The following IGSF9B variants were observed in gnomAD, a reference collection of about 807,000 sequenced individuals.
IGSF9B encodes protein turtle homolog B.
IGSF9B carries 48 observed loss-of-function variants against 143.7 expected under a neutral mutation model. The observed-to-expected ratio is 0.33, with a 90% CI of 0.26 to 0.42. IGSF9B has a LOEUF of 0.42. Among genes scored for constraint, IGSF9B ranks in the 20% least tolerant of loss-of-function variants. The probability of loss-of-function intolerance (pLI) is 1.00; values close to 1 mark genes in which losing one functional copy is unlikely to be tolerated. For synonymous variants in IGSF9B, 903 were observed against 833.1 expected (o/e 1.08, Z -1.44); for missense variants, 1,706 against 1,980.0 (o/e 0.86, Z 2.63).
In IGSF9B at chr11:133,920,919, C is replaced by T. The variant is rs1047657878; in HGVS notation, c.2806G>A (p.Gly936Arg). The T allele has an allele frequency of 2.5e-6, 4 of 1,609,542 alleles. No homozygotes were observed. Among genetic ancestry groups the T allele is most frequent in the Non-Finnish European group, 3.4e-6 (4 of 1,178,404 alleles). ...TCCAGGCCACCGGGGCCCTCCAGCC[C>T]GCGGGGCTGGAACCGAGGGCTGTAT... ...PAYSPRFQPR[G>R]LEGPGGLEGR... The change falls in exon 18 of 20, where the codon GGG (glycine) becomes AGG (arginine). Residue 936 changes from glycine to arginine, a missense_variant. Around this residue, in one of 7 missense-constraint regions of IGSF9B, gnomAD observed 880 missense variants for 762.9 expected, o/e 1.15. Transcript: ENST00000533871.
At position 133,948,058 on chromosome 11, in the gene IGSF9B, T is replaced by TGTGTGTGTGC. The variant is rs1404817500; in HGVS notation, c.65-1801_65-1800insGCACACACAC. 6.0e-5 allele frequency among the ~76,000 whole-genome samples: 2 copies of TGTGTGTGTGC among 33,274 alleles called. No individual in the cohort carries two copies. The highest frequency in any genetic ancestry group is 1.9e-4 in the African/African-American group (2 of 10,288). The allele number at this position is 33,274 out of a possible 152,430, so 21.8% of individuals were successfully genotyped here. A position where few individuals can be genotyped will look rare whatever the true frequency, so the allele number is the denominator to read the frequency against. On this transcript the variant is annotated intron_variant, in intron 1 of 19. Transcript: ENST00000533871. This position sits in a 1 kb window ranked among gnomAD's most constrained non-coding sequence, Gnocchi z 4.7. ...GTTTCTGTCTACCAGCATGTGTGCG[T>TGTGTGTGTGC]GTGTGTGTGTGTGTGTGTGTGTGTG...
At chr11:133,925,635 G>T in intron 14 of IGSF9B, 104 bp downstream of exon 14, 1 of 814,682 alleles carries the variant, frequency 1.2e-6, no homozygotes, top group Non-Finnish European at 2.0e-6. Flanking sequence ...GGATGTGGCT[G>T]GCCTCACACA....
At chr11:133,951,951 G>C (rs1565453326) in intron 1 of IGSF9B, 1 of 430,838 alleles carries the variant, frequency 2.3e-6, no homozygotes, top group Admixed American at 2.5e-5. Context: ...GTCTGTGCCT[G>C]TGTGCAAGTC....
chr11:133,956,960 A>C lies in IGSF9B; in HGVS notation c.-206T>G. 1 of 372,722 alleles carries C rather than the reference A, an allele frequency of 2.7e-6. No homozygotes were observed. Among genetic ancestry groups the C allele is most frequent in the South Asian group, 1.3e-4 (1 of 7,680 alleles). 23.1% of individuals were successfully genotyped at this position (372,722 alleles called of 1,614,324 possible). ...GCCTCCCCGGCCCCGGCGCAGCGGC[A>C]CCTGCACTACTCGCCCGGGCGGAGC... is the stretch of plus-strand genomic sequence containing the variant. On this transcript the variant is annotated 5_prime_UTR_variant, in exon 1 of 20. Coordinates refer to ENST00000533871, the MANE Select transcript of IGSF9B (RefSeq NM_001277285.4).
chr11:133,944,412 G>A (rs1041867975), intron 2 of IGSF9B, 46 bp from the exon 3 acceptor site: 2 of 1,600,712 alleles, frequency 1.2e-6, no homozygotes, highest in Admixed American at 3.4e-5. Flanking sequence ...ATCAGGTAAG[G>A]ACAGCAGCTC....
At position 133,948,085 on chromosome 11, in the gene IGSF9B, G is replaced by GTGTGTC. The variant is rs1555098854; in HGVS notation, c.65-1833_65-1828dup. 2.8e-4 allele frequency among the ~76,000 whole-genome samples: 42 copies of GTGTGTC among 149,714 alleles called. No homozygotes were observed. The highest frequency in any genetic ancestry group is 8.6e-4 in the South Asian group (4 of 4,666). On this transcript the variant is annotated intron_variant, in intron 1 of 19. Coordinates refer to ENST00000533871, the MANE Select transcript of IGSF9B (RefSeq NM_001277285.4). This position sits in a 1 kb window ranked among gnomAD's most constrained non-coding sequence, Gnocchi z 4.7. ...TGTGTGTGTGTGTGTGTGTGTGTGT[G>GTGTGTC]TGTGTCTGTGTGTGTTTCGGTTGGC...
chr11:133,946,357 C>G, intron 1 of IGSF9B, 99 bp from the exon 2 acceptor site: 18 of 1,030,426 alleles, frequency 1.7e-5, no homozygotes, highest in Non-Finnish European at 2.6e-5. Context: ...CGCCCCCCAC[C>G]AGCTGCCCTC....
At chr11:133,949,323 CAT>C (rs1940117095) in intron 1 of IGSF9B, among the ~76,000 whole-genome samples, 1 of 152,198 alleles carries the variant, frequency 6.6e-6, no homozygotes, top group African/African-American at 2.4e-5. Flanking sequence ...TTCACACACA[CAT>C]GCGCACGCAC....
rs1215871399 is a variant in IGSF9B at position 133,946,178 on chromosome 11, G to A, written c.145C>T (p.His49Tyr). Residue 49 changes from histidine to tyrosine, a missense_variant, in exon 2 of 20, where the codon CAC becomes TAC. By Grantham distance (83) the His-to-Tyr change is moderately conservative (BLOSUM62 2). Transcript: ENST00000533871. ...ESVVLRCDVI[H>Y]PVTGQPPPYV... Reference sequence around the variant, plus strand: ...GGTGGGGGCTGTCCCGTCACTGGGTGGATCACGTCGCATCGCAGGACCACG... The same window carrying A: ...GGTGGGGGCTGTCCCGTCACTGGGTAGATCACGTCGCATCGCAGGACCACG... 6.2e-7 allele frequency: 1 copy of A among 1,613,588 alleles called. No homozygotes were observed. Among genetic ancestry groups the A allele is most frequent in the Non-Finnish European group, 8.5e-7 (1 of 1,179,760 alleles).
At chr11:133,922,030 A>T (rs1194399280) in intron 17 of IGSF9B, 147 bp downstream of exon 17, 2 of 681,784 alleles carry the variant, frequency 2.9e-6, no homozygotes, top group Non-Finnish European at 5.2e-6. Context: ...AAACACTGAG[A>T]TGGGGCTGGG....
chr11:133,924,476 C>T (rs1019825678), intron 15 of IGSF9B, among the ~76,000 whole-genome samples: 1 of 152,202 alleles, frequency 6.6e-6, no homozygotes, highest in African/African-American at 2.4e-5. Context: ...TCCTCCGATT[C>T]ACAGCCCCTC....
rs1236273437 is a variant in IGSF9B, at chr11:133,956,961, C to G, written c.-207G>C. 4 of 376,198 alleles carry G rather than the reference C, an allele frequency of 1.1e-5. No homozygotes were observed. Among genetic ancestry groups the G allele is most frequent in the Non-Finnish European group, 1.4e-5 (3 of 210,838 alleles). 23.3% of individuals were successfully genotyped at this position (376,198 alleles called of 1,614,324 possible). ...CCTCCCCGGCCCCGGCGCAGCGGCACCTGCACTACTCGCCCGGGCGGAGCG... is the reference window on the plus strand; with the variant it reads ...CCTCCCCGGCCCCGGCGCAGCGGCAGCTGCACTACTCGCCCGGGCGGAGCG... On this transcript the variant is annotated 5_prime_UTR_variant, in exon 1 of 20. Coordinates refer to ENST00000533871, the MANE Select transcript of IGSF9B (RefSeq NM_001277285.4).
intron 2 of IGSF9B, among the ~76,000 whole-genome samples, chr11:133,944,882 GGGGTCCAGGATGCTA>G (rs1389300080): frequency 6.6e-6 from 1 of 152,130 alleles, no homozygotes; most frequent in Non-Finnish European, 1.5e-5. Context: ...AAGGCAGGCT[GGGGTCCAGGATGCTA>G]GGGTCCCCTC....
Position 133,927,668 on chromosome 11 carries a change from A to G in IGSF9B, c.1632-577T>C, listed in dbSNP as rs999174463. Reference sequence around the variant, plus strand: ...CCCTAAGGCCGTAAGGGTTGGAAGAAGGTCACGCTATGCATGGAGAGTAGG... The same window carrying G: ...CCCTAAGGCCGTAAGGGTTGGAAGAGGGTCACGCTATGCATGGAGAGTAGG... On this transcript the variant is annotated intron_variant, in intron 12 of 19. Coordinates refer to ENST00000533871, the MANE Select transcript of IGSF9B (RefSeq NM_001277285.4). 3.3e-5 allele frequency among the ~76,000 whole-genome samples: 5 copies of G among 152,188 alleles called. No individual in the cohort carries two copies. The South Asian group carries it at 1.0e-3, about 32-fold the overall frequency.
intron 11 of IGSF9B, 124 bp downstream of exon 11, chr11:133,930,860 C>T: frequency 9.6e-7 from 1 of 1,042,600 alleles, no homozygotes; most frequent in East Asian, 2.7e-5. Flanking sequence ...CAGGGCTGCA[C>T]TGACTTAGGA....
intron 1 of IGSF9B, among the ~76,000 whole-genome samples, chr11:133,949,098 G>A (rs773155995): frequency 5.3e-5 from 8 of 152,088 alleles, no homozygotes; most frequent in Admixed American, 2.0e-4. Context: ...AAGGCAGGCC[G>A]TCCCCTCCCA....
In IGSF9B at chr11:133,920,932, C is replaced by T; in HGVS notation, c.2793G>A (p.Arg931=). The T allele has an allele frequency of 6.2e-7, 1 of 1,610,266 alleles. No individual in the cohort carries two copies. Among genetic ancestry groups the T allele is most frequent in the African/African-American group, 1.3e-5 (1 of 75,014 alleles). Residue 931 remains arginine, a synonymous_variant, in exon 18 of 20, where the codon CGG becomes CGA. Transcript: ENST00000533871. ...SYLPPPAYSP[R]FQPRGLEGPG... ...GGCCCTCCAGCCCGCGGGGCTGGAA[C>T]CGAGGGCTGTATGCTGGTGGTGGCA...
rs1939266496 is a variant in IGSF9B at position 133,909,410 on chromosome 11, G to A, written c.4106-133C>T. The stretch of plus-strand genomic sequence containing the variant: ...AACAAAGGAATCACCTGAGTCTAGA[G>A]AGACCAGACCGAATTGCTGCAGAGA... On this transcript the variant is annotated intron_variant, in intron 19 of 19. Transcript: ENST00000533871. This position sits in a 1 kb window ranked among gnomAD's most constrained non-coding sequence, Gnocchi z 4.2. The A allele has an allele frequency of 1.3e-6, 1 of 746,948 alleles. No individual in the cohort carries two copies. The highest frequency in any genetic ancestry group is 2.4e-5 in the Admixed American group (1 of 42,058). 46.3% of individuals were successfully genotyped at this position (746,948 alleles called of 1,614,324 possible).
At chr11:133,919,129 T>TG (rs756305133) in intron 18 of IGSF9B, 269 of 175,810 alleles carry the variant, frequency 1.5e-3, no homozygotes, top group South Asian at 2.2e-3. Flanking sequence ...GGGGGGGGGG[T>TG]GGGGGACGTG....
Sources: gnomAD v4.1 joint callset for allele counts (sites outside exome capture counted in the v4.1 genomes callset) on GRCh38, gnomAD v4.1.1 for gene constraint, gnomAD v4.1.1 regional missense constraint, Gnocchi (gnomAD v3.1) non-coding constraint, MANE v1.5 for transcripts, NCBI Gene and HGNC (gene_info 2026-07-23, HGNC 2026-07-21) for gene names.